The following PIK3CA variants were observed in gnomAD, a reference collection of about 807,000 sequenced individuals.
PIK3CA encodes the protein phosphatidylinositol-4,5-bisphosphate 3-kinase catalytic subunit alpha.
A neutral mutation model predicts 138.2 loss-of-function variants in PIK3CA; 27 were observed. That is an observed-to-expected ratio of 0.20 (90% confidence interval 0.14 to 0.27). The LOEUF (loss-of-function observed/expected upper bound fraction) is 0.27. Among genes scored for constraint, PIK3CA ranks in the 10% least tolerant of loss-of-function variants. PIK3CA has a pLI of 1.00. For synonymous variants in PIK3CA, 358 were observed against 413.2 expected, an observed-to-expected ratio of 0.87 and a Z score of 1.62; for missense variants, 544 against 1,277.4, an observed-to-expected ratio of 0.43 and a Z score of 8.75.
intron 1 of PIK3CA, among the ~76,000 whole-genome samples, chr3:179,170,606 G>T (rs1199681791): frequency 6.6e-6 from 1 of 152,162 alleles, no homozygotes; most frequent in East Asian, 1.9e-4. Context: ...GAGGTTGGAT[G>T]ATTTCCTTCT....
Position 179,229,253 on chromosome 3 carries a change from C to T in PIK3CA, c.2496-19C>T, listed in dbSNP as rs774332931. 7 of 1,582,868 alleles carry T rather than the reference C, an allele frequency of 4.4e-6. No homozygotes were observed. The highest frequency in any genetic ancestry group is 2.3e-5 in the South Asian group (2 of 87,750). On this transcript the variant is annotated intron_variant, in intron 17 of 20. Coordinates refer to ENST00000263967, the MANE Select transcript of PIK3CA (RefSeq NM_006218.4). ...TAAAATTCCATCATTTAATTGTAAA[C>T]GTGTTACTCCTCTTTCAGAATGTTA...
At chr3:179,208,940 A>G (rs1353646572) in intron 6 of PIK3CA, among the ~76,000 whole-genome samples, 2 of 149,044 alleles carry the variant, frequency 1.3e-5, no homozygotes, top group African/African-American at 4.9e-5. Flanking sequence ...TTTTACCTTT[A>G]GTTTTCCTTT....
chr3:179,236,018 T>G lies in PIK3CA; in HGVS notation c.*1654T>G, dbSNP rs1725326900. On this transcript the variant is annotated 3_prime_UTR_variant, in exon 21 of 21. Coordinates refer to ENST00000263967, the MANE Select transcript of PIK3CA (RefSeq NM_006218.4). Reference sequence around the variant, plus strand: ...AATAATTATTGACAGTTTTTTAGATTAGGCATATTATTGGAAAACAACTTT... The same window carrying G: ...AATAATTATTGACAGTTTTTTAGATGAGGCATATTATTGGAAAACAACTTT... The G allele has an allele frequency of 4.8e-6, 1 of 208,172 alleles. No homozygotes were observed. The highest frequency in any genetic ancestry group is 1.9e-4 in the South Asian group (1 of 5,306). 12.9% of individuals were successfully genotyped at this position (208,172 alleles called of 1,614,324 possible). A position where few individuals can be genotyped will look rare whatever the true frequency, so the allele number is the denominator to read the frequency against.
intron 1 of PIK3CA, among the ~76,000 whole-genome samples, chr3:179,187,555 AAAG>A (rs1401564423): frequency 1.3e-5 from 2 of 150,922 alleles, no homozygotes; most frequent in Non-Finnish European, 3.0e-5. Flanking sequence ...AAAAAAAAAA[AAAG>A]AGAGAAACGG....
chr3:179,206,470 GA>G (rs2108396468), intron 6 of PIK3CA, among the ~76,000 whole-genome samples: 1 of 152,236 alleles, frequency 6.6e-6, no homozygotes, highest in South Asian at 2.1e-4. Flanking sequence ...AACATTTGAG[GA>G]AATAATAGCC....
At chr3:179,166,815 G>T (rs1723433274) in intron 1 of PIK3CA, among the ~76,000 whole-genome samples, 1 of 152,060 alleles carries the variant, frequency 6.6e-6, no homozygotes, top group Non-Finnish European at 1.5e-5. Flanking sequence ...GGTGTTGATG[G>T]AAATCAACAA....
upstream of PIK3CA, chr3:179,148,131 CTCTG>C (rs1722896376): frequency 6.6e-6 from 1 of 151,752 alleles, no homozygotes; most frequent in Non-Finnish European, 1.5e-5. Flanking sequence ...GGATTGTAGG[CTCTG>C]CCCCTCCTCA....
intron 1 of PIK3CA, among the ~76,000 whole-genome samples, chr3:179,188,446 C>CAT (rs1724048033): frequency 6.6e-6 from 1 of 152,120 alleles, no homozygotes; most frequent in African/African-American, 2.4e-5. Flanking sequence ...AAAACAAAGG[C>CAT]AAATGTTAGT....
chr3:179,157,258 G>C (rs899390635), intron 1 of PIK3CA, among the ~76,000 whole-genome samples: 2 of 152,100 alleles, frequency 1.3e-5, no homozygotes, highest in African/African-American at 4.8e-5. Context: ...TTGCAGTTGA[G>C]ACCATGATAG....
chr3:179,238,866 G>T lies in PIK3CA; in HGVS notation c.*4502G>T. 1 of 220,228 alleles carries T rather than the reference G, an allele frequency of 4.5e-6. No individual in the cohort carries two copies. Among genetic ancestry groups the T allele is most frequent in the Non-Finnish European group, 9.1e-6 (1 of 109,902 alleles). The allele number at this position is 220,228 out of a possible 1,614,324, so 13.6% of individuals were successfully genotyped here. Reference sequence around the variant, plus strand: ...AGGTTCTAAAATTCGGAAGAGTTTAGAATTTATTAGGAGTTTCCCAAGTTG... The same window carrying T: ...AGGTTCTAAAATTCGGAAGAGTTTATAATTTATTAGGAGTTTCCCAAGTTG... On this transcript the variant is annotated 3_prime_UTR_variant, in exon 21 of 21. Transcript: ENST00000263967.
At chr3:179,165,413 AC>A (rs1723393538) in intron 1 of PIK3CA, among the ~76,000 whole-genome samples, 1 of 152,058 alleles carries the variant, frequency 6.6e-6, no homozygotes, top group Non-Finnish European at 1.5e-5. Context: ...ATTTTTTGAA[AC>A]AAGAGTCTCA....
rs78850658 is a variant in PIK3CA, at chr3:179,162,025, C to T, written c.-77+13422C>T. On this transcript the variant is annotated intron_variant, in intron 1 of 20. Transcript: ENST00000263967. ...ACATACTCTGTGATTGTACGGTCAA[C>T]GTTTTCCTTGAAAAATCTCTTTAAT... Among the ~76,000 whole-genome samples, 1,027 of 152,174 alleles carry T rather than the reference C, an allele frequency of 6.7e-3. 66 individuals are homozygous for T. The South Asian group carries it at 0.14, about 20-fold the overall frequency.
At chr3:179,182,207 T>A (rs1723865163) in intron 1 of PIK3CA, among the ~76,000 whole-genome samples, 1 of 152,226 alleles carries the variant, frequency 6.6e-6, no homozygotes, top group South Asian at 2.1e-4. Context: ...TTTGGAATAA[T>A]TGACAGCTTT....
At chr3:179,156,650 G>GT (rs1220232360) in intron 1 of PIK3CA, among the ~76,000 whole-genome samples, 1 of 152,054 alleles carries the variant, frequency 6.6e-6, no homozygotes, top group East Asian at 1.9e-4. Context: ...TTGATTTATT[G>GT]TTTTTTTCTG....
Position 179,224,729 on chromosome 3 carries a change from CA to C in PIK3CA, c.2329del (p.Arg777GlyfsTer5). 6.2e-7 allele frequency: 1 copy of C among 1,607,582 alleles called. No individual in the cohort carries two copies. Among genetic ancestry groups the C allele is most frequent in the Non-Finnish European group, 8.5e-7 (1 of 1,174,844 alleles). ...RLEECRIMSSAKRPLWLNWEN... is the reference protein window; with the variant it reads ...RLEECRIMSSXKRPLWLNWEN... ...GAAGAGTGTCGAATTATGTCCTCTG[CA>C]AAAAGGCCACTGTGGTTGAATTGGG... On this transcript the variant is annotated frameshift_variant, in exon 16 of 21. Coordinates refer to ENST00000263967, the MANE Select transcript of PIK3CA (RefSeq NM_006218.4). LOFTEE classifies it high-confidence loss of function.
chr3:179,206,250 G>A (rs1724558557), intron 6 of PIK3CA, among the ~76,000 whole-genome samples: 1 of 152,002 alleles, frequency 6.6e-6, no homozygotes, highest in Non-Finnish European at 1.5e-5. Context: ...GTAGAGGGGG[G>A]TTTCACCATG....
At chr3:179,175,085 T>C (rs1723662429) in intron 1 of PIK3CA, among the ~76,000 whole-genome samples, 2 of 152,362 alleles carry the variant, frequency 1.3e-5, no homozygotes, top group East Asian at 1.9e-4. Context: ...TCCCTACACC[T>C]GCTTCCTGTG....
At chr3:179,218,459 T>C (rs1463007256) in intron 10 of PIK3CA, 125 bp downstream of exon 10, 2 of 685,874 alleles carry the variant, frequency 2.9e-6, no homozygotes, top group Non-Finnish European at 4.6e-6. Context: ...TTTACATGAT[T>C]TTTAAACTAT....
intron 14 of PIK3CA, among the ~76,000 whole-genome samples, chr3:179,223,010 T>C (rs1725003160): frequency 6.6e-6 from 1 of 152,222 alleles, no homozygotes; most frequent in African/African-American, 2.4e-5. Flanking sequence ...CATTATTGGC[T>C]TAAATGAGAT....
Sources: allele counts gnomAD v4.1 joint callset (sites outside exome capture counted in the v4.1 genomes callset), GRCh38; gene constraint gnomAD v4.1.1; transcripts MANE v1.5; gene names NCBI Gene and HGNC (gene_info 2026-07-23, HGNC 2026-07-21).